FMN2: variants seen among roughly 807,000 people sequenced by gnomAD.
FMN2 encodes formin 2.
FMN2 carries 51 observed loss-of-function variants against 142.3 expected under a neutral mutation model. That is an observed-to-expected ratio of 0.36 (90% CI 0.29 to 0.45). The LOEUF (loss-of-function observed/expected upper bound fraction) is 0.45, where lower values mean the gene tolerates loss of function less well. Among genes scored for constraint, FMN2 ranks in the 20% least tolerant of loss-of-function variants. The pLI is 1.00. For synonymous variants in FMN2, 882 were observed against 869.8 expected (o/e 1.01, Z -0.25); for missense variants, 1,936 against 2,122.8 (o/e 0.91, Z 1.73).
intron 7 of FMN2, among the ~76,000 whole-genome samples, chr1:240,290,733 A>T (rs900548570): frequency 6.6e-6 from 1 of 150,894 alleles, no homozygotes; most frequent in African/African-American, 2.4e-5. Context: ...AAAATCGTAG[A>T]CAAGAATTGT....
intron 2 of FMN2, among the ~76,000 whole-genome samples, chr1:240,129,979 T>G (rs368316145): frequency 6.6e-6 from 1 of 152,184 alleles, no homozygotes; most frequent in South Asian, 2.1e-4. Flanking sequence ...TGATATTGTT[T>G]CATCAAATTC....
At position 240,334,286 on chromosome 1, in the gene FMN2, C is replaced by A. The variant is rs1671488465; in HGVS notation, c.4765+57C>A. On this transcript the variant is annotated intron_variant, in intron 13 of 17. Coordinates refer to ENST00000319653, the MANE Select transcript of FMN2 (RefSeq NM_020066.5). ...TTTATGCTTTTTTAATGAGAGAAGG[C>A]AGACTTTTCAATGTTTTTAGAGAAA... The A allele has an allele frequency of 3.4e-6, 5 of 1,485,202 alleles. No homozygotes were observed. The South Asian group carries it at 4.4e-5, about 13-fold the overall frequency. 92.0% of individuals were successfully genotyped at this position (1,485,202 alleles called of 1,614,324 possible). A position where few individuals can be genotyped will look rare whatever the true frequency, so the allele number is the denominator to read the frequency against.
chr1:240,428,110 C>A (rs1027045785), intron 15 of FMN2, among the ~76,000 whole-genome samples: 1 of 152,078 alleles, frequency 6.6e-6, no homozygotes, highest in African/African-American at 2.4e-5. Flanking sequence ...TAGCACCTTC[C>A]ACCAAAAATG....
At chr1:240,246,410 A>G (rs529163781) in intron 6 of FMN2, among the ~76,000 whole-genome samples, 1 of 152,196 alleles carries the variant, frequency 6.6e-6, no homozygotes, top group Non-Finnish European at 1.5e-5. Context: ...ACAATCAGCT[A>G]TAACCATGCC....
At chr1:240,223,740 C>CTAG (rs1667202033) in intron 6 of FMN2, among the ~76,000 whole-genome samples, 1 of 152,126 alleles carries the variant, frequency 6.6e-6, no homozygotes, top group African/African-American at 2.4e-5. Context: ...AGAATTTATC[C>CTAG]ATTTCTTCTA....
intron 15 of FMN2, among the ~76,000 whole-genome samples, chr1:240,415,116 G>A (rs1558479273): frequency 6.6e-6 from 1 of 152,144 alleles, no homozygotes; most frequent in Non-Finnish European, 1.5e-5. Context: ...ATGTTGAATA[G>A]CAAAGTCTTG....
chr1:240,228,306 AAAAAAAAAAAAAAAAAAAAAAAAAAAG>A (rs985614133), intron 6 of FMN2, among the ~76,000 whole-genome samples: 2 of 59,442 alleles, frequency 3.4e-5, no homozygotes, highest in Non-Finnish European at 6.0e-5. Context: ...TCTGTCTCAA[AAAAAAAAAAAAAAAAAAAAAAAAAAAG>A]AAAAAGAAAA....
chr1:240,298,097 C>T lies in FMN2; in HGVS notation c.4215+3214C>T, dbSNP rs137920380. The stretch of plus-strand genomic sequence containing the variant: ...CTGAGGGTGGGGCGTAAACATTCAG[C>T]GTATAGTATACTAGCTGGCACTGGT... On this transcript the variant is annotated intron_variant, in intron 8 of 17. Coordinates refer to ENST00000319653, the MANE Select transcript of FMN2 (RefSeq NM_020066.5). 9.7e-4 allele frequency among the ~76,000 whole-genome samples: 148 copies of T among 152,244 alleles called. 1 individual carries two copies. The highest frequency in any genetic ancestry group is 3.1e-3 in the African/African-American group (130 of 41,546).
At chr1:240,192,462 TTCTC>T (rs1403164153) in intron 4 of FMN2, among the ~76,000 whole-genome samples, 2 of 152,152 alleles carry the variant, frequency 1.3e-5, no homozygotes, top group African/African-American at 4.8e-5. Flanking sequence ...TATGAGGTCT[TTCTC>T]AACTCCAAGG....
Position 240,148,482 on chromosome 1 carries a change from AAGAG to A in FMN2, c.1782+25145_1782+25148del, listed in dbSNP as rs1393708970. On this transcript the variant is annotated intron_variant, in intron 2 of 17. Coordinates refer to ENST00000319653, the MANE Select transcript of FMN2 (RefSeq NM_020066.5). ...AGAGAGAGACAGGGAGAGAAAGAAA[AAGAG>A]AGAGAGAAAGAGAGGAGAGAGAGAA... 1.0e-3 allele frequency among the ~76,000 whole-genome samples: 138 copies of A among 135,338 alleles called. 1 individual carries two copies. The highest frequency in any genetic ancestry group is 4.3e-3 in the Middle Eastern group (1 of 230). 88.8% of individuals were successfully genotyped at this position (135,338 alleles called of 152,430 possible).
At position 240,211,243 on chromosome 1, in the gene FMN2, T is replaced by C. The variant is rs771058988; in HGVS notation, c.4065+8T>C. 1.2e-6 allele frequency: 2 copies of C among 1,608,194 alleles called. No homozygotes were observed. Among genetic ancestry groups the C allele is most frequent in the Non-Finnish European group, 1.7e-6 (2 of 1,178,406 alleles). On this transcript the variant is annotated splice_region_variant and intron_variant, in intron 6 of 17. Coordinates refer to ENST00000319653, the MANE Select transcript of FMN2 (RefSeq NM_020066.5). ...AAGACGAAGGCTAAACAAGTGAGTATTTTTGTGCTTTATGAAATTGGACAG... is the reference window on the plus strand; with the variant it reads ...AAGACGAAGGCTAAACAAGTGAGTACTTTTGTGCTTTATGAAATTGGACAG...
At chr1:240,373,148 C>T (rs981602240) in intron 14 of FMN2, among the ~76,000 whole-genome samples, 1 of 152,196 alleles carries the variant, frequency 6.6e-6, no homozygotes, top group African/African-American at 2.4e-5. Flanking sequence ...CTCACCACTG[C>T]ACTCCAGCCT....
In FMN2 at chr1:240,445,239, A is replaced by G. The variant is rs189508542; in HGVS notation, c.5060+7029A>G. 1.2e-4 allele frequency among the ~76,000 whole-genome samples: 18 copies of G among 152,356 alleles called. No homozygotes were observed. In the East Asian group the frequency reaches 1.9e-3, roughly 16 times the overall value. ...TTTTTTATGATATGTATGCCCTACTATATGCCAGGCAACATTCCTGGCCAT... is the reference window on the plus strand; with the variant it reads ...TTTTTTATGATATGTATGCCCTACTGTATGCCAGGCAACATTCCTGGCCAT... On this transcript the variant is annotated intron_variant, in intron 16 of 17. Transcript: ENST00000319653.
At chr1:240,275,542 C>T (rs891549210) in intron 7 of FMN2, among the ~76,000 whole-genome samples, 3 of 151,988 alleles carry the variant, frequency 2.0e-5, no homozygotes, top group African/African-American at 7.3e-5. Context: ...AACAGTGCTG[C>T]AATAAACATA....
rs574394151 is a variant in FMN2 at position 240,383,766 on chromosome 1, A to G, written c.4859-8745A>G. 2.3e-3 allele frequency among the ~76,000 whole-genome samples: 352 copies of G among 152,198 alleles called. 3 individuals carry two copies. Among genetic ancestry groups the G allele is most frequent in the Non-Finnish European group, 1.1e-3 (78 of 68,006 alleles). ...GTATCTACCCAAAAGAGAAGAAATC[A>G]TTGTGTAGGAAAGACACCTGCATTC... On this transcript the variant is annotated intron_variant, in intron 14 of 17. Transcript: ENST00000319653.
Position 240,465,568 on chromosome 1 carries a change from G to A in FMN2, c.5061-6804G>A, listed in dbSNP as rs370348478. On this transcript the variant is annotated intron_variant, in intron 16 of 17. Coordinates refer to ENST00000319653, the MANE Select transcript of FMN2 (RefSeq NM_020066.5). ...TGCTCTATCAGAACCTCAGACCTGT[G>A]ACATCCCAGCTCCACAATGCACTTA... 5.0e-4 allele frequency among the ~76,000 whole-genome samples: 76 copies of A among 152,210 alleles called. No individual in the cohort carries two copies. The South Asian group carries it at 0.016, about 32-fold the overall frequency.
At chr1:240,200,651 G>A (rs1666088545) in intron 4 of FMN2, among the ~76,000 whole-genome samples, 1 of 152,112 alleles carries the variant, frequency 6.6e-6, no homozygotes, top group South Asian at 2.1e-4. Context: ...AGAAAAGGGG[G>A]ATTGTAACAT....
At chr1:240,320,648 AC>A (rs528635589) in intron 8 of FMN2, among the ~76,000 whole-genome samples, 32 of 152,284 alleles carry the variant, frequency 2.1e-4, no homozygotes, top group Non-Finnish European at 4.1e-4. Context: ...GAATTTTGTC[AC>A]TCAAAGTGCT....
intron 16 of FMN2, among the ~76,000 whole-genome samples, chr1:240,445,997 G>A (rs1675797147): frequency 6.6e-6 from 1 of 152,124 alleles, no homozygotes; most frequent in Non-Finnish European, 1.5e-5. Flanking sequence ...GTAAATGTCA[G>A]CTCAGATACT....
Sources: gnomAD v4.1 joint callset for allele counts (sites outside exome capture counted in the v4.1 genomes callset) on GRCh38, gnomAD v4.1.1 for gene constraint, MANE v1.5 for transcripts, NCBI Gene and HGNC (gene_info 2026-07-23, HGNC 2026-07-21) for gene names.